Variants in INPP4B observed in about 807,000 individuals in gnomAD.
The protein encoded by INPP4B is inositol polyphosphate 4-phosphatase type II.
In INPP4B, 55 loss-of-function variants were observed where a neutral mutation model predicts 122.5. The ratio of observed to expected loss-of-function variants is 0.45; its 90% confidence interval spans 0.36 to 0.56. The LOEUF is 0.56. Among genes scored for constraint, INPP4B ranks in the 20% least tolerant of loss-of-function variants. The pLI, the probability that INPP4B is intolerant of heterozygous loss-of-function variation, is 0.00. For synonymous variants in INPP4B, 403 were observed against 388.7 expected (o/e 1.04, Z -0.43); for missense variants, 1,000 against 1,097.7 (o/e 0.91, Z 1.26).
chr4:142,259,221 G>T (rs1196739805), intron 11 of INPP4B, among the ~76,000 whole-genome samples: 1 of 113,712 alleles, frequency 8.8e-6, no homozygotes, highest in African/African-American at 3.3e-5. Context: ...GGGGGAGGGG[G>T]GAGGGATAGC....
chr4:142,039,518 G>A (rs545233372), intron 25 of INPP4B, among the ~76,000 whole-genome samples: 15 of 151,860 alleles, frequency 9.9e-5, no homozygotes, highest in African/African-American at 3.1e-4. Context: ...GAGAAATTTC[G>A]GAAGTACCTA....
chr4:142,430,759 A>G (rs944128685), intron 4 of INPP4B, among the ~76,000 whole-genome samples: 8 of 152,074 alleles, frequency 5.3e-5, no homozygotes, highest in African/African-American at 1.9e-4. Flanking sequence ...AATGCTTTCA[A>G]CTTAAGTACC....
chr4:142,459,794 T>C (rs1438318856), intron 3 of INPP4B, among the ~76,000 whole-genome samples: 4 of 152,194 alleles, frequency 2.6e-5, no homozygotes, highest in Non-Finnish European at 5.9e-5. Context: ...AATCAAATAT[T>C]AATTGAGCAT....
rs181049220 is a variant in INPP4B, at chr4:142,780,708, G to A, written c.-253-54807C>T. 2.6e-5 allele frequency among the ~76,000 whole-genome samples: 4 copies of A among 152,220 alleles called. No individual in the cohort carries two copies. In the East Asian group the frequency reaches 7.8e-4, roughly 30 times the overall value. ...CAGCTACTCGGGAGGTTGAGGCAGA[G>A]AACTGCTTGAACTCGGGAAGTGGAG... On this transcript the variant is annotated intron_variant, in intron 1 of 25. Transcript: ENST00000262992.
chr4:142,408,529 G>A (rs1803934131), intron 5 of INPP4B, among the ~76,000 whole-genome samples: 1 of 152,072 alleles, frequency 6.6e-6, no homozygotes, highest in Non-Finnish European at 1.5e-5. Context: ...CTCCAGCCTG[G>A]GTGACAGAAT....
At chr4:142,469,241 C>T (rs1056398977) in intron 2 of INPP4B, among the ~76,000 whole-genome samples, 5 of 151,322 alleles carry the variant, frequency 3.3e-5, no homozygotes, top group African/African-American at 1.2e-4. Flanking sequence ...AAATAGAAAA[C>T]AAAATTTCCA....
chr4:142,685,589 T>C (rs1321348567), intron 2 of INPP4B, among the ~76,000 whole-genome samples: 1 of 152,044 alleles, frequency 6.6e-6, no homozygotes, highest in Non-Finnish European at 1.5e-5. Context: ...GCAGTTATAC[T>C]TGGTATAAAT....
chr4:142,789,074 G>A (rs941272262), intron 1 of INPP4B, among the ~76,000 whole-genome samples: 2 of 151,970 alleles, frequency 1.3e-5, no homozygotes, highest in African/African-American at 4.8e-5. Context: ...AGGATACAAG[G>A]GACATACCAC....
At chr4:142,104,906 T>C (rs902057007) in intron 23 of INPP4B, among the ~76,000 whole-genome samples, 1 of 152,192 alleles carries the variant, frequency 6.6e-6, no homozygotes, top group Non-Finnish European at 1.5e-5. Context: ...CATTGCATAT[T>C]TATTTTTATT....
At chr4:142,686,487 C>T (rs1478505149) in intron 2 of INPP4B, among the ~76,000 whole-genome samples, 3 of 151,994 alleles carry the variant, frequency 2.0e-5, no homozygotes, top group Non-Finnish European at 2.9e-5. Flanking sequence ...CAGATGAGGT[C>T]AAAGGACTAA....
intron 12 of INPP4B, among the ~76,000 whole-genome samples, chr4:142,215,480 G>A (rs1846727934): frequency 6.6e-6 from 1 of 152,048 alleles, no homozygotes; most frequent in African/African-American, 2.4e-5. Flanking sequence ...TTTAACTCCT[G>A]GATATTTTAG....
chr4:142,268,863 A>G (rs1744338688), intron 10 of INPP4B, among the ~76,000 whole-genome samples: 1 of 152,172 alleles, frequency 6.6e-6, no homozygotes, highest in Non-Finnish European at 1.5e-5. Context: ...TGAAACACAC[A>G]AAAAACTGCC....
chr4:142,783,262 T>C (rs979413952), intron 1 of INPP4B, among the ~76,000 whole-genome samples: 89 of 152,000 alleles, frequency 5.9e-4, no homozygotes, highest in African/African-American at 2.1e-3. Context: ...TGCAATATAC[T>C]CATCTGACAA....
intron 1 of INPP4B, among the ~76,000 whole-genome samples, chr4:142,767,059 A>G (rs1412878928): frequency 1.3e-5 from 2 of 152,202 alleles, no homozygotes; most frequent in Non-Finnish European, 2.9e-5. Flanking sequence ...TTCAGATGAC[A>G]CTGGTTTCCT....
intron 2 of INPP4B, among the ~76,000 whole-genome samples, chr4:142,690,962 CT>C (rs1760085301): frequency 6.6e-6 from 1 of 152,102 alleles, no homozygotes; most frequent in Non-Finnish European, 1.5e-5. Context: ...CTTTTTCACA[CT>C]GCTATTTCAA....
chr4:142,530,554 T>C (rs1245261049), intron 2 of INPP4B, among the ~76,000 whole-genome samples: 2 of 18,964 alleles, frequency 1.1e-4, no homozygotes, highest in Non-Finnish European at 1.7e-4. Flanking sequence ...TGTGTGCATA[T>C]ATATATATAT....
chr4:142,068,221 C>G (rs996793676), intron 25 of INPP4B, among the ~76,000 whole-genome samples: 2 of 152,090 alleles, frequency 1.3e-5, no homozygotes, highest in Non-Finnish European at 2.9e-5. Flanking sequence ...ATTTCATATC[C>G]AGCCAAACTA....
chr4:142,658,895 A>C (rs74644881), intron 2 of INPP4B, among the ~76,000 whole-genome samples: 7,712 of 152,220 alleles, frequency 0.051, 303 homozygotes, highest in Non-Finnish European at 0.078. Flanking sequence ...CACCCAACTC[A>C]CAGGTGTTTG....
chr4:142,580,257 A>G (rs921107558), intron 2 of INPP4B, among the ~76,000 whole-genome samples: 1 of 151,858 alleles, frequency 6.6e-6, no homozygotes, highest in African/African-American at 2.4e-5. Flanking sequence ...CTAAGATTCA[A>G]TTTTCTAACT....
Sources: allele counts gnomAD v4.1 joint callset (sites outside exome capture counted in the v4.1 genomes callset), GRCh38; gene constraint gnomAD v4.1.1; transcripts MANE v1.5; gene names NCBI Gene and HGNC (gene_info 2026-07-23, HGNC 2026-07-21).